LARGE1: variants seen among roughly 807,000 people sequenced by gnomAD.
LARGE1 encodes xylosyl- and glucuronyltransferase LARGE1.
Under a neutral mutation model 87.6 loss-of-function variants are expected in LARGE1, and 43 were observed. The observed-to-expected ratio is 0.49, with a 90% confidence interval of 0.38 to 0.63. LARGE1 has a LOEUF of 0.63. Ranked by LOEUF, LARGE1 falls within the 30% of genes least tolerant of loss-of-function variation. The pLI is 0.00. For missense variants in LARGE1, 802 were observed against 1,000.2 expected (o/e 0.80, Z 2.67); for synonymous variants, 434 against 394.6 (o/e 1.10, Z -1.18).
At chr22:33,277,404 A>AC in intron 13 of LARGE1, 149 bp from the exon 14 acceptor site, 1 of 728,230 alleles carries the variant, frequency 1.4e-6, no homozygotes, top group Non-Finnish European at 2.4e-6. Context: ...TGAAGTCCTA[A>AC]CCCCCAGTAC....
chr22:33,598,530 C>T lies in LARGE1; in HGVS notation c.615+5905G>A, dbSNP rs184784067. Among the ~76,000 whole-genome samples, 460 of 152,184 alleles carry T rather than the reference C, an allele frequency of 3.0e-3. 1 individual carries two copies. Among genetic ancestry groups the T allele is most frequent in the Middle Eastern group, 6.8e-3 (2 of 294 alleles). On this transcript the variant is annotated intron_variant, in intron 5 of 14. Coordinates refer to ENST00000397394, the MANE Select transcript of LARGE1 (RefSeq NM_133642.5). The stretch of plus-strand genomic sequence containing the variant: ...TAATGCTATCCCTCCCCCAGGCCCC[C>T]ACCCCCTGACAGGCCCCAGTGTGTG...
intron 1 of LARGE1, among the ~76,000 whole-genome samples, chr22:33,882,266 G>A (rs185037494): frequency 2.6e-5 from 4 of 152,162 alleles, no homozygotes; most frequent in Non-Finnish European, 4.4e-5. Flanking sequence ...TCCTGACCTC[G>A]TGATCCGCTC....
At chr22:33,657,108 C>T (rs934225170) in intron 2 of LARGE1, 1 of 152,232 alleles carries the variant, frequency 6.6e-6, no homozygotes, top group African/African-American at 2.4e-5. Flanking sequence ...GCAGGCAGGG[C>T]CAGGGTCTGG....
At chr22:33,438,835 C>T (rs1038938847) in intron 6 of LARGE1, among the ~76,000 whole-genome samples, 27 of 152,228 alleles carry the variant, frequency 1.8e-4, no homozygotes, top group Admixed American at 1.2e-3. Flanking sequence ...TATAGCTTCT[C>T]TGAGCCTTGA....
At chr22:33,097,103 C>G in the LARGE1 span, among the ~76,000 whole-genome samples, 1 of 152,178 alleles carries the variant, frequency 6.6e-6, no homozygotes, top group African/African-American at 2.4e-5. Context: ...TTTTATGCTC[C>G]TCACCTGGGC....
chr22:33,723,015 G>A (rs112452748), intron 2 of LARGE1, among the ~76,000 whole-genome samples: 5,951 of 152,190 alleles, frequency 0.039, 398 homozygotes, highest in African/African-American at 0.14. Context: ...TGCTTTCTAG[G>A]CAATGAGGAG....
At chr22:33,236,212 T>C (rs1013902984) in intron 11 of LARGE1, among the ~76,000 whole-genome samples, 1 of 152,184 alleles carries the variant, frequency 6.6e-6, no homozygotes, top group African/African-American at 2.4e-5. Flanking sequence ...TTCCATTGTT[T>C]TGAGCCTCCC....
intron 6 of LARGE1, among the ~76,000 whole-genome samples, chr22:33,441,297 C>T (rs1460647565): frequency 6.6e-6 from 1 of 152,092 alleles, no homozygotes; most frequent in South Asian, 2.1e-4. Context: ...TAGTCTCGAA[C>T]TCCTGACCTC....
intron 6 of LARGE1, among the ~76,000 whole-genome samples, chr22:33,530,021 C>T (rs1175284384): frequency 6.6e-6 from 1 of 152,206 alleles, no homozygotes; most frequent in Admixed American, 6.5e-5. Context: ...ATCCCCTTCC[C>T]TACTAGCAGC....
At chr22:33,651,932 G>T (rs954523204) in intron 2 of LARGE1, among the ~76,000 whole-genome samples, 12 of 152,132 alleles carry the variant, frequency 7.9e-5, no homozygotes, top group Non-Finnish European at 1.6e-4. Flanking sequence ...CCAGCATTTT[G>T]GGAGGCCAAG....
At chr22:33,698,315 C>G (rs1264004844) in intron 2 of LARGE1, among the ~76,000 whole-genome samples, 1 of 148,830 alleles carries the variant, frequency 6.7e-6, no homozygotes. Context: ...CTCAAGCGAT[C>G]TGCCCGCCTT....
At chr22:33,305,702 T>C (rs1934782620) in intron 11 of LARGE1, 1 of 557,174 alleles carries the variant, frequency 1.8e-6, no homozygotes, top group African/African-American at 2.0e-5. Flanking sequence ...CTCTCAGTAA[T>C]TCTGTTAAGT....
At chr22:33,172,838 TC>T (rs939722090) in intron 11 of LARGE1, among the ~76,000 whole-genome samples, 5 of 152,048 alleles carry the variant, frequency 3.3e-5, no homozygotes, top group African/African-American at 1.2e-4. Context: ...GAACAAAGCC[TC>T]CAAGAAATAC....
intron 1 of LARGE1, among the ~76,000 whole-genome samples, chr22:33,863,813 A>G (rs541646471): frequency 2.2e-4 from 33 of 152,292 alleles, no homozygotes; most frequent in African/African-American, 7.2e-4. Context: ...TTATTTTCAA[A>G]AAATTGAAAA....
At chr22:33,172,938 G>A (rs1164430257) in intron 11 of LARGE1, among the ~76,000 whole-genome samples, 1 of 152,148 alleles carries the variant, frequency 6.6e-6, no homozygotes, top group Non-Finnish European at 1.5e-5. Flanking sequence ...ACACACATCA[G>A]GGTATTATCC....
the LARGE1 span, among the ~76,000 whole-genome samples, chr22:33,141,183 C>CTCTCTT: frequency 6.8e-6 from 1 of 146,074 alleles, no homozygotes; most frequent in Non-Finnish European, 1.5e-5. Flanking sequence ...CTCTCTCTCT[C>CTCTCTT]TCTCTCTCTC....
chr22:33,185,925 A>C (rs1469140094), intron 11 of LARGE1, among the ~76,000 whole-genome samples: 1 of 152,168 alleles, frequency 6.6e-6, no homozygotes, highest in Non-Finnish European at 1.5e-5. Context: ...TAAGTTTGAC[A>C]AATTTGATCA....
At chr22:33,850,228 A>C (rs1227829933) in intron 1 of LARGE1, among the ~76,000 whole-genome samples, 1 of 152,196 alleles carries the variant, frequency 6.6e-6, no homozygotes, top group Non-Finnish European at 1.5e-5. Context: ...CAGCAGCAAT[A>C]ACACGGCCTT....
At chr22:33,463,904 C>A (rs1208930811) in intron 6 of LARGE1, among the ~76,000 whole-genome samples, 1 of 152,130 alleles carries the variant, frequency 6.6e-6, no homozygotes, top group Non-Finnish European at 1.5e-5. Flanking sequence ...GAACTCCTGA[C>A]CTCAGGTGAT....
Sources: allele counts gnomAD v4.1 joint callset (sites outside exome capture counted in the v4.1 genomes callset), GRCh38; gene constraint gnomAD v4.1.1; transcripts MANE v1.5; gene names NCBI Gene and HGNC (gene_info 2026-07-23, HGNC 2026-07-21).